Variants in NELL2 observed in about 807,000 individuals in gnomAD.
NELL2 encodes neural EGFL like 2, also known as protein kinase C-binding protein NELL2.
A neutral mutation model predicts 109.6 loss-of-function variants in NELL2; 41 were observed. The observed-to-expected ratio is 0.37, with a 90% confidence interval of 0.29 to 0.49. The LOEUF is 0.49. Among genes scored for constraint, NELL2 ranks in the 20% least tolerant of loss-of-function variants. NELL2 has a pLI of 0.98. For synonymous variants in NELL2, 355 were observed against 344.7 expected (o/e 1.03, Z -0.33); for missense variants, 900 against 1,008.3 (o/e 0.89, Z 1.45).
intron 2 of NELL2, among the ~76,000 whole-genome samples, chr12:44,849,000 G>A (rs1187846423): frequency 6.6e-6 from 1 of 152,138 alleles, no homozygotes; most frequent in Admixed American, 6.6e-5. Context: ...CCTGGCCCAT[G>A]TAAGCAAAAC....
At chr12:44,822,203 C>G (rs1943568730) in intron 2 of NELL2, among the ~76,000 whole-genome samples, 1 of 152,062 alleles carries the variant, frequency 6.6e-6, no homozygotes, top group Non-Finnish European at 1.5e-5. Flanking sequence ...TCCAACCATG[C>G]AGATTATTAG....
intron 12 of NELL2, among the ~76,000 whole-genome samples, chr12:44,680,641 C>A (rs926413526): frequency 6.6e-6 from 1 of 152,064 alleles, no homozygotes; most frequent in Non-Finnish European, 1.5e-5. Flanking sequence ...TCATTAAAGC[C>A]AGCACCAATT....
At chr12:44,691,825 T>C (rs1005874186) in intron 12 of NELL2, among the ~76,000 whole-genome samples, 2 of 152,134 alleles carry the variant, frequency 1.3e-5, no homozygotes, top group Admixed American at 6.6e-5. Context: ...CCCTCTTCAA[T>C]TCTAGAAGGC....
chr12:44,858,913 G>T (rs1214360487), intron 2 of NELL2, among the ~76,000 whole-genome samples: 2 of 152,070 alleles, frequency 1.3e-5, no homozygotes, highest in East Asian at 3.9e-4. Flanking sequence ...CACATTCAAG[G>T]ATTAAGAGAG....
chr12:44,707,925 A>G (rs896357138), intron 11 of NELL2, among the ~76,000 whole-genome samples: 17 of 152,190 alleles, frequency 1.1e-4, no homozygotes, highest in African/African-American at 3.9e-4. Flanking sequence ...GAGAACTGAC[A>G]CTAACTCAGC....
chr12:44,564,823 G>A (rs984255424), intron 15 of NELL2, among the ~76,000 whole-genome samples: 2 of 152,130 alleles, frequency 1.3e-5, no homozygotes, highest in African/African-American at 4.8e-5. Flanking sequence ...AAGACAGCCT[G>A]CAAATATAAT....
rs1940800003 is a variant in NELL2 at position 44,754,589 on chromosome 12, C to CA, written c.994+20157dup. On this transcript the variant is annotated intron_variant, in intron 9 of 19. Coordinates refer to ENST00000429094, the MANE Select transcript of NELL2 (RefSeq NM_001145108.2). ...ATGATATTTCAAACACTTTATATGCCAGGGATTCCTAGAAGCATCACTACT... is the reference window on the plus strand; with the variant it reads ...ATGATATTTCAAACACTTTATATGCCAAGGGATTCCTAGAAGCATCACTACT... 7.2e-5 allele frequency among the ~76,000 whole-genome samples: 11 copies of CA among 152,164 alleles called. No homozygotes were observed. The South Asian group carries it at 2.3e-3, about 32-fold the overall frequency.
At chr12:44,845,420 T>C (rs1332877349) in intron 2 of NELL2, among the ~76,000 whole-genome samples, 1 of 152,176 alleles carries the variant, frequency 6.6e-6, no homozygotes, top group East Asian at 1.9e-4. Context: ...GCTAGATCAA[T>C]CCACTAGTCA....
chr12:44,825,125 T>C (rs1264071800), intron 2 of NELL2, among the ~76,000 whole-genome samples: 1 of 152,160 alleles, frequency 6.6e-6, no homozygotes, highest in Non-Finnish European at 1.5e-5. Context: ...TTTAGGATTG[T>C]TTCTTCTATT....
intron 15 of NELL2, among the ~76,000 whole-genome samples, chr12:44,538,617 C>T (rs919951961): frequency 1.3e-5 from 2 of 152,116 alleles, no homozygotes; most frequent in Non-Finnish European, 2.9e-5. Context: ...TGTGTCAAGC[C>T]GGTAGGACTG....
chr12:44,641,285 C>T (rs1014429511), intron 13 of NELL2, among the ~76,000 whole-genome samples: 1 of 152,138 alleles, frequency 6.6e-6, no homozygotes, highest in Admixed American at 6.6e-5. Context: ...ATTTTTCCCT[C>T]AGCTTATTAT....
chr12:44,640,065 C>T (rs1227555267), intron 13 of NELL2, among the ~76,000 whole-genome samples: 1 of 152,092 alleles, frequency 6.6e-6, no homozygotes, highest in Non-Finnish European at 1.5e-5. Flanking sequence ...ACTGTAAATT[C>T]TTCAAGGACA....
intron 1 of NELL2, 145 bp downstream of exon 1, chr12:44,875,670 C>A (rs1945298011): frequency 3.2e-6 from 5 of 1,574,292 alleles, no homozygotes; most frequent in Non-Finnish European, 4.3e-6. Context: ...AAAAAAAAAT[C>A]CATATCCAAA....
At chr12:44,855,559 T>G (rs1944660114) in intron 2 of NELL2, among the ~76,000 whole-genome samples, 1 of 152,204 alleles carries the variant, frequency 6.6e-6, no homozygotes, top group Non-Finnish European at 1.5e-5. Context: ...TTCAACTCCC[T>G]GGTTGCTGTA....
At chr12:44,666,177 G>A (rs1238914658) in intron 12 of NELL2, among the ~76,000 whole-genome samples, 1 of 152,128 alleles carries the variant, frequency 6.6e-6, no homozygotes, top group Non-Finnish European at 1.5e-5. Context: ...TAGATGAGAA[G>A]TTACAAAATA....
intron 13 of NELL2, among the ~76,000 whole-genome samples, chr12:44,645,822 C>G (rs1255337262): frequency 6.6e-6 from 1 of 152,082 alleles, no homozygotes. Flanking sequence ...TGTGATAGGT[C>G]TGTCTATACA....
At chr12:44,772,000 A>G (rs902089149) in intron 9 of NELL2, among the ~76,000 whole-genome samples, 1 of 152,314 alleles carries the variant, frequency 6.6e-6, no homozygotes, top group East Asian at 1.9e-4. Flanking sequence ...GGGCTTTAGA[A>G]ACAGTAAGCT....
chr12:44,715,981 T>A (rs1221104239), intron 9 of NELL2, among the ~76,000 whole-genome samples: 3 of 152,040 alleles, frequency 2.0e-5, no homozygotes, highest in Non-Finnish European at 4.4e-5. Context: ...TTTTTTTCTT[T>A]TAGAGACAGG....
At chr12:44,552,309 T>A (rs12306061) in intron 15 of NELL2, among the ~76,000 whole-genome samples, 15,920 of 152,076 alleles carry the variant, frequency 0.1, 2,796 homozygotes, top group African/African-American at 0.36. Flanking sequence ...ATGAATAACA[T>A]CCTTGTAACC....
Sources: gnomAD v4.1 joint callset for allele counts (sites outside exome capture counted in the v4.1 genomes callset) on GRCh38, gnomAD v4.1.1 for gene constraint, MANE v1.5 for transcripts, NCBI Gene and HGNC (gene_info 2026-07-23, HGNC 2026-07-21) for gene names.